Variants in NCAM2 observed in about 807,000 individuals in gnomAD.
The protein encoded by NCAM2 is neural cell adhesion molecule 2.
Under a neutral mutation model 98.1 loss-of-function variants are expected in NCAM2, and 30 were observed. That is an observed-to-expected ratio of 0.31 (90% CI 0.23 to 0.41). NCAM2 has a LOEUF of 0.41. NCAM2 is among the 10% of genes least tolerant of loss of function. NCAM2 has a pLI of 1.00. For missense variants in NCAM2, 867 were observed against 1,005.8 expected (o/e 0.86, Z 1.87); for synonymous variants, 368 against 342.4 (o/e 1.07, Z -0.83).
chr21:21,499,172 T>C (rs1987456185), intron 15 of NCAM2, among the ~76,000 whole-genome samples: 1 of 152,214 alleles, frequency 6.6e-6, no homozygotes. Context: ...AATGCGTAGC[T>C]AAAAGTAGAA....
At chr21:21,232,094 A>AGGAAGGGTGAACTCTGATGATACTT (rs2147189666) in intron 1 of NCAM2, among the ~76,000 whole-genome samples, 1 of 151,562 alleles carries the variant, frequency 6.6e-6, no homozygotes, top group East Asian at 1.9e-4. Context: ...GTTATCTTGC[A>AGGAAGGGTGAACTCTGATGATACTT]GGAAGGGTGA....
rs1039712508 is a variant in NCAM2 at position 21,043,121 on chromosome 21, A to G, written c.55+44503A>G. The stretch of plus-strand genomic sequence containing the variant: ...TTAAGCATTTACATATCAAGCCACT[A>G]TAAGATTTAGGGGAACTGCTTATTC... On this transcript the variant is annotated intron_variant, in intron 1 of 17. Coordinates refer to ENST00000400546, the MANE Select transcript of NCAM2 (RefSeq NM_004540.5). 2.6e-5 allele frequency among the ~76,000 whole-genome samples: 4 copies of G among 152,316 alleles called. No individual in the cohort carries two copies. The East Asian group carries it at 5.8e-4, about 22-fold the overall frequency.
chr21:21,084,666 A>G (rs1215976309), intron 1 of NCAM2, among the ~76,000 whole-genome samples: 4 of 152,200 alleles, frequency 2.6e-5, no homozygotes, highest in Non-Finnish European at 5.9e-5. Context: ...TGTCATATAT[A>G]TGGATTAAGA....
chr21:21,261,389 CT>C lies in NCAM2; in HGVS notation c.56-19181del, dbSNP rs1014842382. Among the ~76,000 whole-genome samples the C allele has an allele frequency of 5.3e-5, 8 of 152,086 alleles. No individual in the cohort carries two copies. In the South Asian group the frequency reaches 6.2e-4, roughly 12 times the overall value. ...ACATCTACCCAACAGCTGGAAAATG[CT>C]TTTTTTTCCCCTCATCTGTGCATGG... On this transcript the variant is annotated intron_variant, in intron 1 of 17. Transcript: ENST00000400546.
intron 1 of NCAM2, among the ~76,000 whole-genome samples, chr21:21,235,031 G>T (rs186535564): frequency 6.6e-6 from 1 of 151,950 alleles, no homozygotes; most frequent in Admixed American, 6.6e-5. Flanking sequence ...AAATAGTTTT[G>T]AAGTTATTTC....
At chr21:21,143,296 G>A (rs9975806) in intron 1 of NCAM2, among the ~76,000 whole-genome samples, 37,635 of 151,850 alleles carry the variant, frequency 0.25, 5,204 homozygotes, top group East Asian at 0.45. Context: ...GTGTGTCAAC[G>A]CATCTATTTT....
In NCAM2 at chr21:21,393,070, T is replaced by C. The variant is rs142838145; in HGVS notation, c.1196-17204T>C. 3.5e-3 allele frequency among the ~76,000 whole-genome samples: 534 copies of C among 152,310 alleles called. 1 individual carries two copies. Among genetic ancestry groups the C allele is most frequent in the Non-Finnish European group, 4.5e-3 (309 of 68,014 alleles). On this transcript the variant is annotated intron_variant, in intron 9 of 17. Coordinates refer to ENST00000400546, the MANE Select transcript of NCAM2 (RefSeq NM_004540.5). ...TCTAGGTTGCCTTCCAGGGTTTTTA[T>C]ACTTTTGGGATTTACATATAAGTCT...
intron 3 of NCAM2, among the ~76,000 whole-genome samples, chr21:21,286,049 G>GAAC (rs2073085409): frequency 6.6e-6 from 1 of 151,930 alleles, no homozygotes; most frequent in Non-Finnish European, 1.5e-5. Flanking sequence ...AGTTTATACA[G>GAAC]AACCTCATAT....
rs1339977407 is a variant in NCAM2 at position 21,453,072 on chromosome 21, AATT to A, written c.1655-13528_1655-13526del. 3.3e-3 allele frequency among the ~76,000 whole-genome samples: 408 copies of A among 125,468 alleles called. 5 individuals carry two copies. The highest frequency in any genetic ancestry group is 0.011 in the African/African-American group (381 of 33,548). The allele number at this position is 125,468 out of a possible 152,430, so 82.3% of individuals were successfully genotyped here. ...ATATAAAAATATAAATATATTTATA[AATT>A]ATTATATATTTAATATATTATATTA... On this transcript the variant is annotated intron_variant, in intron 12 of 17. Transcript: ENST00000400546.
chr21:21,303,360 C>A (rs187057870), intron 5 of NCAM2, among the ~76,000 whole-genome samples: 2 of 151,740 alleles, frequency 1.3e-5, no homozygotes, highest in East Asian at 3.9e-4. Context: ...GTCATATAAC[C>A]GTGCAATATG....
intron 1 of NCAM2, among the ~76,000 whole-genome samples, chr21:21,091,714 C>T (rs753341314): frequency 6.6e-6 from 1 of 152,052 alleles, no homozygotes; most frequent in Non-Finnish European, 1.5e-5. Flanking sequence ...TGAAACTGTA[C>T]AATACTTTCA....
intron 5 of NCAM2, among the ~76,000 whole-genome samples, chr21:21,322,220 A>G (rs1398919532): frequency 6.6e-6 from 1 of 152,190 alleles, no homozygotes; most frequent in Non-Finnish European, 1.5e-5. Flanking sequence ...AGGAACAGGA[A>G]CAGAAAACCA....
chr21:21,520,993 G>T (rs1336812613), intron 16 of NCAM2, among the ~76,000 whole-genome samples: 1 of 152,118 alleles, frequency 6.6e-6, no homozygotes, highest in Non-Finnish European at 1.5e-5. Flanking sequence ...GGAAATAGAA[G>T]GGGGAAGTAA....
intron 1 of NCAM2, among the ~76,000 whole-genome samples, chr21:21,176,673 TG>T (rs2068300521): frequency 1.3e-5 from 2 of 152,034 alleles, no homozygotes; most frequent in African/African-American, 4.8e-5. Flanking sequence ...ATTTTAAAAG[TG>T]TTTTTTTTGA....
At chr21:21,514,057 T>C (rs1380414449) in intron 16 of NCAM2, among the ~76,000 whole-genome samples, 1 of 151,850 alleles carries the variant, frequency 6.6e-6, no homozygotes, top group Non-Finnish European at 1.5e-5. Flanking sequence ...CAACATGCTC[T>C]ACATATATAA....
At chr21:21,279,609 G>A (rs1366480587) in intron 1 of NCAM2, among the ~76,000 whole-genome samples, 5 of 152,086 alleles carry the variant, frequency 3.3e-5, no homozygotes, top group Admixed American at 1.3e-4. Flanking sequence ...TGCCGGCCTT[G>A]GCCTCCCAAA....
chr21:21,112,268 G>A (rs1364024669), intron 1 of NCAM2, among the ~76,000 whole-genome samples: 3 of 151,878 alleles, frequency 2.0e-5, no homozygotes, highest in Admixed American at 1.3e-4. Context: ...CTTTTTCTCT[G>A]AGACATATTT....
chr21:21,396,646 C>T (rs902945463), intron 9 of NCAM2, among the ~76,000 whole-genome samples: 3 of 152,174 alleles, frequency 2.0e-5, no homozygotes, highest in Non-Finnish European at 4.4e-5. Context: ...CAGCCAGGCA[C>T]TTCAGCTGCT....
intron 1 of NCAM2, among the ~76,000 whole-genome samples, chr21:21,021,013 A>G (rs1425810396): frequency 6.6e-6 from 1 of 152,130 alleles, no homozygotes; most frequent in Non-Finnish European, 1.5e-5. Flanking sequence ...TAGGTTGGCC[A>G]GGTGTCTCCT....
Sources: gnomAD v4.1 joint callset for allele counts (sites outside exome capture counted in the v4.1 genomes callset) on GRCh38, gnomAD v4.1.1 for gene constraint, MANE v1.5 for transcripts, NCBI Gene and HGNC (gene_info 2026-07-23, HGNC 2026-07-21) for gene names.